The following ALG6 variants were observed in gnomAD, a reference collection of about 807,000 sequenced individuals.
The protein encoded by ALG6 is dolichyl pyrophosphate Man9GlcNAc2 alpha-1,3-glucosyltransferase.
Under a neutral mutation model 66.6 loss-of-function variants are expected in ALG6, and 46 were observed. The observed-to-expected ratio is 0.69, with a 90% confidence interval of 0.55 to 0.88. The LOEUF (loss-of-function observed/expected upper bound fraction) is 0.88, where lower values mean the gene tolerates loss of function less well. Among genes scored for constraint, ALG6 ranks in the 40% least tolerant of loss-of-function variants. The pLI is 0.00. For missense variants in ALG6, 505 were observed against 586.8 expected (o/e 0.86, Z 1.44); for synonymous variants, 185 against 203.7 (o/e 0.91, Z 0.78).
At chr1:63,418,476 A>C (rs1459578644) in intron 11 of ALG6, among the ~76,000 whole-genome samples, 2 of 152,086 alleles carry the variant, frequency 1.3e-5, no homozygotes, top group Admixed American at 6.6e-5. Flanking sequence ...GAGATGAATG[A>C]AGTGGCTGCT....
intron 14 of ALG6, 38 bp downstream of exon 14, chr1:63,429,164 A>G (rs1167202725): frequency 7.0e-7 from 1 of 1,437,876 alleles, no homozygotes; most frequent in Non-Finnish European, 9.6e-7. Flanking sequence ...ATTTTTCAGC[A>G]TGTCACTATT....
intron 2 of ALG6, among the ~76,000 whole-genome samples, chr1:63,376,534 C>T (rs1648137086): frequency 6.6e-6 from 1 of 152,112 alleles, no homozygotes; most frequent in South Asian, 2.1e-4. Flanking sequence ...GAGTACCATC[C>T]CACAAGTAAT....
chr1:63,425,800 T>C (rs1339467940), intron 12 of ALG6, among the ~76,000 whole-genome samples: 2 of 152,068 alleles, frequency 1.3e-5, no homozygotes, highest in Non-Finnish European at 2.9e-5. Flanking sequence ...ATGGGAGTGA[T>C]TATAATGATT....
At position 63,433,970 on chromosome 1, in the gene ALG6, A is replaced by T. The variant is rs1644662490; in HGVS notation, c.1327-2853A>T. On this transcript the variant is annotated intron_variant, in intron 14 of 14. Transcript: ENST00000263440. This position sits in a 1 kb window ranked among gnomAD's most constrained non-coding sequence, Gnocchi z 4.2. ...CAAAGAACCAAAGGAAGTAAACTGC[A>T]GATAATTGAGGGTAGAACATCCTAG... is the stretch of plus-strand genomic sequence containing the variant. Among the ~76,000 whole-genome samples, 1 of 152,254 alleles carries T rather than the reference A, an allele frequency of 6.6e-6. No individual in the cohort carries two copies. The highest frequency in any genetic ancestry group is 6.5e-5 in the Admixed American group (1 of 15,290).
Position 63,422,172 on chromosome 1 carries a change from AATTTAT to A in ALG6, c.1058+2741_1058+2746del, listed in dbSNP as rs1216493735. Reference sequence around the variant, plus strand: ...AAATATAAATATATATATAACTATGAATTTATATTTATATAAATATATATCTATATG... The same window carrying A: ...AAATATAAATATATATATAACTATGAATTTATATAAATATATATCTATATG... On this transcript the variant is annotated intron_variant, in intron 12 of 14. Transcript: ENST00000263440. Among the ~76,000 whole-genome samples the A allele has an allele frequency of 3.4e-3, 285 of 84,918 alleles. 1 individual carries two copies. The highest frequency in any genetic ancestry group is 0.013 in the African/African-American group (269 of 20,320). The allele number at this position is 84,918 out of a possible 152,430, so 55.7% of individuals were successfully genotyped here.
At chr1:63,400,303 ATATGTATATATATATACG>A in intron 3 of ALG6, among the ~76,000 whole-genome samples, 1 of 15,676 alleles carries the variant, frequency 6.4e-5, no homozygotes, top group African/African-American at 5.4e-4. Flanking sequence ...ATACGTATAT[ATATGTATATATATATACG>A]TATATATATA....
At chr1:63,422,420 T>A (rs1364943160) in intron 12 of ALG6, among the ~76,000 whole-genome samples, 7 of 30,408 alleles carry the variant, frequency 2.3e-4, no homozygotes, top group Middle Eastern at 0.026. Flanking sequence ...TATAAATATA[T>A]ATATAAATAT....
intron 2 of ALG6, among the ~76,000 whole-genome samples, chr1:63,383,610 A>T (rs1409186064): frequency 6.6e-6 from 1 of 152,128 alleles, no homozygotes; most frequent in Non-Finnish European, 1.5e-5. Context: ...CAAGCATACA[A>T]TGTGTAATAA....
intron 7 of ALG6, among the ~76,000 whole-genome samples, chr1:63,407,670 T>C (rs1406328278): frequency 6.6e-6 from 1 of 152,068 alleles, no homozygotes; most frequent in Non-Finnish European, 1.5e-5. Context: ...TATATATCTA[T>C]CTAATTTGTC....
At position 63,422,268 on chromosome 1, in the gene ALG6, AATATATATATAAATATATATATTT is replaced by A. The variant is rs1298801081; in HGVS notation, c.1058+2834_1058+2857del. On this transcript the variant is annotated intron_variant, in intron 12 of 14. Transcript: ENST00000263440. ...AAATATATATATTTATATAGATATAAATATATATATAAATATATATATTTATATAGATATAAATATATATCTATA... is the reference window on the plus strand; with the variant it reads ...AAATATATATATTTATATAGATATAAATATAGATATAAATATATATCTATA... Among the ~76,000 whole-genome samples the A allele has an allele frequency of 1.5e-3, 76 of 49,880 alleles. 5 individuals carry two copies. The highest frequency in any genetic ancestry group is 9.1e-3 in the African/African-American group (70 of 7,718). The allele number at this position is 49,880 out of a possible 152,430, so 32.7% of individuals were successfully genotyped here. A position where few individuals can be genotyped will look rare whatever the true frequency, so the allele number is the denominator to read the frequency against.
At chr1:63,393,689 G>T (rs1190326735) in intron 2 of ALG6, among the ~76,000 whole-genome samples, 1 of 152,164 alleles carries the variant, frequency 6.6e-6, no homozygotes, top group Non-Finnish European at 1.5e-5. Flanking sequence ...TTTTGGGTGA[G>T]AACTCATATA....
chr1:63,401,642 A>G lies in ALG6; in HGVS notation c.168-612A>G, dbSNP rs79901025. On this transcript the variant is annotated intron_variant, in intron 3 of 14. Coordinates refer to ENST00000263440, the MANE Select transcript of ALG6 (RefSeq NM_013339.4). ...CAGTGAGCCGAGATTGCGCCACTGC[A>G]CTCCAGTCTAGGTGACGGAGCAAGA... Among the ~76,000 whole-genome samples the G allele has an allele frequency of 9.5e-3, 1,444 of 151,690 alleles. 25 individuals are homozygous for G. The highest frequency in any genetic ancestry group is 0.033 in the African/African-American group (1,380 of 41,364).
chr1:63,379,464 G>T (rs754953329), intron 2 of ALG6, among the ~76,000 whole-genome samples: 5 of 152,040 alleles, frequency 3.3e-5, no homozygotes, highest in Non-Finnish European at 7.4e-5. Flanking sequence ...TAAAGGCATT[G>T]TATTTTAAAT....
In ALG6 at chr1:63,370,878, A is replaced by G; in HGVS notation, c.-100A>G. ...AGAATCGATAACATTTCAAGAAGTG[A>G]TAACATTTCTCTGAACAAGAAAAGA... On this transcript the variant is annotated 5_prime_UTR_variant, in exon 2 of 15. Coordinates refer to ENST00000263440, the MANE Select transcript of ALG6 (RefSeq NM_013339.4). 3.7e-6 allele frequency: 3 copies of G among 805,168 alleles called. No individual in the cohort carries two copies. The highest frequency in any genetic ancestry group is 2.4e-5 in the East Asian group (1 of 41,128). 49.9% of individuals were successfully genotyped at this position (805,168 alleles called of 1,614,324 possible). A position where few individuals can be genotyped will look rare whatever the true frequency, so the allele number is the denominator to read the frequency against.
intron 2 of ALG6, among the ~76,000 whole-genome samples, chr1:63,382,679 GT>G (rs59573321): frequency 8.1e-4 from 16 of 19,766 alleles, no homozygotes; most frequent in Admixed American, 5.2e-4. Context: ...TTTTTTTTTT[GT>G]TTTTTTTTTT....
At chr1:63,389,552 C>G (rs1475213492) in intron 2 of ALG6, among the ~76,000 whole-genome samples, 1 of 152,110 alleles carries the variant, frequency 6.6e-6, no homozygotes, top group Non-Finnish European at 1.5e-5. Flanking sequence ...GGTCACATAC[C>G]TCTATCACTC....
chr1:63,423,781 A>G (rs1039593179), intron 12 of ALG6, among the ~76,000 whole-genome samples: 1 of 152,164 alleles, frequency 6.6e-6, no homozygotes, highest in Admixed American at 6.5e-5. Flanking sequence ...GGCTGTTGTG[A>G]ATAGTGCCAC....
chr1:63,373,415 C>G (rs1648001825), intron 2 of ALG6, among the ~76,000 whole-genome samples: 1 of 151,432 alleles, frequency 6.6e-6, no homozygotes, highest in Admixed American at 6.6e-5. Flanking sequence ...CCAGCCTGAG[C>G]AACATGGCAA....
intron 12 of ALG6, among the ~76,000 whole-genome samples, chr1:63,420,418 G>A (rs150133025): frequency 2.3e-3 from 343 of 152,202 alleles, no homozygotes; most frequent in African/African-American, 8.0e-3. Context: ...CTCATAGAAA[G>A]GCAGCTCATT....
Sources: allele counts gnomAD v4.1 joint callset (sites outside exome capture counted in the v4.1 genomes callset), GRCh38; gene constraint gnomAD v4.1.1; non-coding constraint Gnocchi (gnomAD v3.1); transcripts MANE v1.5; gene names NCBI Gene and HGNC (gene_info 2026-07-23, HGNC 2026-07-21).